Variants in ANKRD12 observed in about 807,000 individuals in gnomAD.
ANKRD12 encodes the protein ankyrin repeat domain-containing protein 12.
A neutral mutation model predicts 183.4 loss-of-function variants in ANKRD12; 85 were observed. The observed-to-expected ratio is 0.46, with a 90% CI of 0.39 to 0.56. The LOEUF (loss-of-function observed/expected upper bound fraction) is 0.56, where lower values mean the gene tolerates loss of function less well. ANKRD12 is among the 20% of genes least tolerant of loss of function. The pLI, the probability that ANKRD12 is intolerant of heterozygous loss-of-function variation, is 0.00. For missense variants in ANKRD12, 2,405 were observed against 2,357.1 expected (o/e 1.02, Z -0.42); for synonymous variants, 914 against 800.2 (o/e 1.14, Z -2.40).
chr18:9,148,775 T>C (rs2078579262), intron 1 of ANKRD12, among the ~76,000 whole-genome samples: 4 of 152,102 alleles, frequency 2.6e-5, no homozygotes, highest in Admixed American at 2.6e-4. Flanking sequence ...TCTTCCAGAG[T>C]TTCACCAAGG....
chr18:9,145,468 A>G (rs988021497), intron 1 of ANKRD12, among the ~76,000 whole-genome samples: 5 of 152,238 alleles, frequency 3.3e-5, no homozygotes, highest in Admixed American at 2.0e-4. Flanking sequence ...ACACATAATC[A>G]CATAGGAGGA....
At chr18:9,195,463 T>A (rs565650398) in intron 2 of ANKRD12, 88 bp from the exon 3 acceptor site, 3 of 923,302 alleles carry the variant, frequency 3.2e-6, no homozygotes, top group East Asian at 3.0e-5. Flanking sequence ...TCTCTTTTTG[T>A]GTATGTTTGA....
At chr18:9,167,569 T>C (rs1189013744) in intron 1 of ANKRD12, among the ~76,000 whole-genome samples, 1 of 152,244 alleles carries the variant, frequency 6.6e-6, no homozygotes, top group Non-Finnish European at 1.5e-5. Flanking sequence ...ATTGATTTTG[T>C]ATCCTGAGAC....
At chr18:9,146,784 G>A (rs2078506964) in intron 1 of ANKRD12, among the ~76,000 whole-genome samples, 1 of 152,164 alleles carries the variant, frequency 6.6e-6, no homozygotes, top group Admixed American at 6.5e-5. Context: ...TTTAAAGTGT[G>A]TTTTCCTTTG....
At chr18:9,212,387 T>TATATAC (rs540655914) in intron 6 of ANKRD12, among the ~76,000 whole-genome samples, 3 of 151,994 alleles carry the variant, frequency 2.0e-5, no homozygotes, top group Middle Eastern at 3.2e-3. Flanking sequence ...AGCAAATACT[T>TATATAC]ACTTATATAT....
intron 2 of ANKRD12, among the ~76,000 whole-genome samples, chr18:9,191,122 A>G (rs1441294354): frequency 1.3e-5 from 2 of 152,218 alleles, no homozygotes; most frequent in African/African-American, 2.4e-5. Context: ...TGATGCTTTC[A>G]TTATTACGTG....
chr18:9,234,278 C>G (rs1369793535), intron 8 of ANKRD12, among the ~76,000 whole-genome samples: 1 of 152,230 alleles, frequency 6.6e-6, no homozygotes, highest in Middle Eastern at 3.4e-3. Flanking sequence ...GTGTTTGGAG[C>G]GGCAGAAGGG....
In ANKRD12 at chr18:9,180,524, C is replaced by T. The variant is rs975332561; in HGVS notation, c.-51-1858C>T. Among the ~76,000 whole-genome samples the T allele has an allele frequency of 2.6e-5, 4 of 151,838 alleles. No homozygotes were observed. The East Asian group carries it at 7.7e-4, about 29-fold the overall frequency. On this transcript the variant is annotated intron_variant, in intron 1 of 12. Coordinates refer to ENST00000262126, the MANE Select transcript of ANKRD12 (RefSeq NM_015208.5). The stretch of plus-strand genomic sequence containing the variant: ...TCATTGTTCAATTTTTCTTTTCCTG[C>T]CTTTCATTGGATTATTTGTACATTT...
At chr18:9,217,361 C>T (rs532982139) in intron 7 of ANKRD12, among the ~76,000 whole-genome samples, 4 of 152,208 alleles carry the variant, frequency 2.6e-5, no homozygotes, top group East Asian at 1.9e-4. Context: ...TCGGAACCTC[C>T]GTTTCCTCAT....
intron 9 of ANKRD12, chr18:9,259,349 TTAATG>T (rs1369964410): frequency 1.3e-5 from 2 of 155,358 alleles, no homozygotes; most frequent in African/African-American, 2.4e-5. Context: ...AAACACGTGT[TTAATG>T]TAACAAACAC....
intron 1 of ANKRD12, among the ~76,000 whole-genome samples, chr18:9,168,937 T>C (rs943945517): frequency 1.3e-5 from 2 of 152,210 alleles, no homozygotes; most frequent in South Asian, 2.1e-4. Context: ...TCTCGTTGGT[T>C]TCAAAGAACA....
chr18:9,222,185 T>C (rs1240405000), intron 8 of ANKRD12, among the ~76,000 whole-genome samples, 186 bp downstream of exon 8: 1 of 152,192 alleles, frequency 6.6e-6, no homozygotes, highest in African/African-American at 2.4e-5. Flanking sequence ...ACATATACCC[T>C]GTGTGAATGA....
At chr18:9,277,574 G>A (rs1376394364) in intron 11 of ANKRD12, among the ~76,000 whole-genome samples, 4 of 151,748 alleles carry the variant, frequency 2.6e-5, no homozygotes, top group African/African-American at 9.7e-5. Context: ...TGATCCACCC[G>A]CCTCGGCCTC....
At position 9,283,087 on chromosome 18, in the gene ANKRD12, T is replaced by C. The variant is rs1218291471; in HGVS notation, c.*1961T>C. 2 of 152,562 alleles carry C rather than the reference T, an allele frequency of 1.3e-5. No homozygotes were observed. The highest frequency in any genetic ancestry group is 3.8e-4 in the East Asian group (2 of 5,198). 9.5% of individuals were successfully genotyped at this position (152,562 alleles called of 1,614,324 possible). On this transcript the variant is annotated 3_prime_UTR_variant, in exon 13 of 13. Coordinates refer to ENST00000262126, the MANE Select transcript of ANKRD12 (RefSeq NM_015208.5). The stretch of plus-strand genomic sequence containing the variant: ...ATATGAAAACTTACTGCAAAGTTTG[T>C]TTATACTTTTGCCTAAAAAGGAAAT...
In ANKRD12 at chr18:9,257,997, A is replaced by G. The variant is rs769345928; in HGVS notation, c.4730A>G (p.Glu1577Gly). The G allele has an allele frequency of 6.2e-7, 1 of 1,613,794 alleles. No individual in the cohort carries two copies. The highest frequency in any genetic ancestry group is 2.2e-5 in the East Asian group (1 of 44,872). Residue 1577 changes from glutamate (E) to glycine (G), a missense_variant, in exon 9 of 13, where the codon GAG becomes GGG. Transcript: ENST00000262126. ...ATTCAAGAAGCATCACCAAACTTTG[A>G]GAAAGCTTATACTTTACCTGTGTTA... ...STIQEASPNFEKAYTLPVLPS... is the reference protein window; with the variant it reads ...STIQEASPNFGKAYTLPVLPS...
intron 7 of ANKRD12, 75 bp downstream of exon 7, chr18:9,216,975 T>A: frequency 7.2e-7 from 1 of 1,382,870 alleles, no homozygotes; most frequent in Non-Finnish European, 1.0e-6. Flanking sequence ...TTCATTCACT[T>A]CTTAGTCATA....
chr18:9,225,862 G>A (rs1364934527), intron 8 of ANKRD12, among the ~76,000 whole-genome samples: 1 of 152,040 alleles, frequency 6.6e-6, no homozygotes, highest in African/African-American at 2.4e-5. Flanking sequence ...TGAACATCCT[G>A]TACCCACTAA....
At chr18:9,181,746 G>GAGC (rs1238522970) in intron 1 of ANKRD12, among the ~76,000 whole-genome samples, 4 of 152,068 alleles carry the variant, frequency 2.6e-5, no homozygotes, top group African/African-American at 9.7e-5. Flanking sequence ...GCATAAACTT[G>GAGC]TCATAATCAT....
Position 9,255,087 on chromosome 18 carries a change from A to G in ANKRD12, c.1820A>G (p.Lys607Arg). 6.3e-7 allele frequency: 1 copy of G among 1,579,864 alleles called. No individual in the cohort carries two copies. The highest frequency in any genetic ancestry group is 8.6e-7 in the Non-Finnish European group (1 of 1,169,356). Residue 607 changes from lysine (K) to arginine (R), a missense_variant, in exon 9 of 13, where the codon AAA becomes AGA. Around this residue, in one of 7 missense-constraint regions of ANKRD12, gnomAD observed 1,983 missense variants for 1,725.9 expected, o/e 1.15. Coordinates refer to ENST00000262126, the MANE Select transcript of ANKRD12 (RefSeq NM_015208.5). ...TCTTGTAAGCATAAGGAAAAAAGCA[A>G]ACATCAGAAAGATTTCCACTTAGAA... is the stretch of plus-strand genomic sequence containing the variant. ...VKSCKHKEKS[K>R]HQKDFHLEFG...
Sources: allele counts gnomAD v4.1 joint callset (sites outside exome capture counted in the v4.1 genomes callset), GRCh38; gene constraint gnomAD v4.1.1; regional missense constraint gnomAD v4.1.1; transcripts MANE v1.5; gene names NCBI Gene and HGNC (gene_info 2026-07-23, HGNC 2026-07-21).